STARD13: variants seen among roughly 807,000 people sequenced by gnomAD.
STARD13 encodes the protein stAR-related lipid transfer protein 13.
Under a neutral mutation model 106.4 loss-of-function variants are expected in STARD13, and 62 were observed. That is an observed-to-expected ratio of 0.58 (90% CI 0.48 to 0.72). STARD13 has a LOEUF of 0.72. STARD13 is among the 30% of genes least tolerant of loss of function. The pLI, the probability that STARD13 is intolerant of heterozygous loss-of-function variation, is 0.00. For missense variants in STARD13, 1,387 were observed against 1,424.0 expected, an observed-to-expected ratio of 0.97 and a Z score of 0.42; for synonymous variants, 565 against 553.0, an observed-to-expected ratio of 1.02 and a Z score of -0.31.
the STARD13 span, among the ~76,000 whole-genome samples, chr13:33,464,043 G>GTA: frequency 2.7e-5 from 3 of 112,758 alleles, no homozygotes; most frequent in Non-Finnish European, 5.8e-5. Flanking sequence ...ATATATATAT[G>GTA]TATATGTATA....
At chr13:33,607,118 C>T in the STARD13 span, among the ~76,000 whole-genome samples, 2 of 149,962 alleles carry the variant, frequency 1.3e-5, no homozygotes, top group South Asian at 2.1e-4. Context: ...TTTTGCCTAC[C>T]GCAACTGATT....
At chr13:33,386,733 C>CAGAAAATATACGCCA in the STARD13 span, among the ~76,000 whole-genome samples, 1 of 151,964 alleles carries the variant, frequency 6.6e-6, no homozygotes, top group African/African-American at 2.4e-5. Context: ...CTCCAAAGTC[C>CAGAAAATATACGCCA]AGAAAATATA....
the STARD13 span, among the ~76,000 whole-genome samples, chr13:33,364,414 TATA>T: frequency 6.6e-6 from 1 of 152,190 alleles, no homozygotes; most frequent in Non-Finnish European, 1.5e-5. Flanking sequence ...ATTTTAAAAA[TATA>T]ATAAAAATGA....
chr13:33,198,808 G>C (rs994021234), intron 1 of STARD13, among the ~76,000 whole-genome samples: 2 of 152,106 alleles, frequency 1.3e-5, no homozygotes, highest in African/African-American at 4.8e-5. Context: ...CCTATAAATG[G>C]TGCTACTGCA....
the STARD13 span, among the ~76,000 whole-genome samples, chr13:33,407,240 G>A: frequency 6.6e-6 from 1 of 152,140 alleles, no homozygotes; most frequent in Admixed American, 6.5e-5. Flanking sequence ...TAAAATGCAG[G>A]CCTCCTTCAA....
chr13:33,218,905 G>A (rs1318449479), intron 1 of STARD13, among the ~76,000 whole-genome samples: 37 of 151,984 alleles, frequency 2.4e-4, no homozygotes, highest in Admixed American at 2.3e-3. Flanking sequence ...TGAACAACAC[G>A]GCACTGAAAA....
the STARD13 span, among the ~76,000 whole-genome samples, chr13:33,636,650 T>C: frequency 6.6e-6 from 1 of 152,208 alleles, no homozygotes; most frequent in Non-Finnish European, 1.5e-5. Flanking sequence ...TCCAGAAGAA[T>C]AGGAGATAAT....
At chr13:33,108,024 C>T (rs181847894) in intron 12 of STARD13, among the ~76,000 whole-genome samples, 3 of 152,340 alleles carry the variant, frequency 2.0e-5, no homozygotes, top group Admixed American at 6.5e-5. Flanking sequence ...TGCTCAGCGA[C>T]TTCCATGCTG....
At chr13:33,658,623 A>G in the STARD13 span, among the ~76,000 whole-genome samples, 1 of 152,246 alleles carries the variant, frequency 6.6e-6, no homozygotes, top group Non-Finnish European at 1.5e-5. Context: ...CCAGCTGAAG[A>G]TACCAGAGAC....
In STARD13 at chr13:33,129,963, A is replaced by G. The variant is rs747034997; in HGVS notation, c.714T>C (p.Asp238=). Residue 238 remains aspartate (D), a synonymous_variant, in exon 5 of 14, where the codon GAT becomes GAC. Coordinates refer to ENST00000336934, the MANE Select transcript of STARD13 (RefSeq NM_178006.4). ...TGGGGTGGAAGGGGTGGTTGAGGAC[A>G]TCTCTGGGGGGCTGTGGGAGGCTGC... ...VSSSLPQPPR[D]VLNHPFHPKN... is the part of the protein sequence containing the mutation. 4 of 1,613,318 alleles carry G rather than the reference A, an allele frequency of 2.5e-6. No homozygotes were observed. The highest frequency in any genetic ancestry group is 3.3e-5 in the Admixed American group (2 of 60,012).
chr13:33,325,533 C>T (rs2077763695), intron 1 of STARD13, among the ~76,000 whole-genome samples: 1 of 152,130 alleles, frequency 6.6e-6, no homozygotes, highest in Non-Finnish European at 1.5e-5. Flanking sequence ...TTATCCCCTT[C>T]CCTTTGGTCC....
chr13:33,660,286 T>C, the STARD13 span, among the ~76,000 whole-genome samples: 1 of 152,260 alleles, frequency 6.6e-6, no homozygotes, highest in South Asian at 2.1e-4. Flanking sequence ...TCTGTGTTAG[T>C]TGTCATAGTT....
the STARD13 span, among the ~76,000 whole-genome samples, chr13:33,498,447 T>A: frequency 6.6e-6 from 1 of 152,222 alleles, no homozygotes; most frequent in Non-Finnish European, 1.5e-5. Context: ...TTTTAAAATA[T>A]TTGCATTTTT....
intron 7 of STARD13, among the ~76,000 whole-genome samples, chr13:33,122,794 C>T (rs1876541672): frequency 6.6e-6 from 1 of 152,120 alleles, no homozygotes; most frequent in Non-Finnish European, 1.5e-5. Flanking sequence ...GTGGCTCATG[C>T]CTGTAATCCC....
rs149840253 is a variant in STARD13 at position 33,109,252 on chromosome 13, C to G, written c.3047+621G>C. Among the ~76,000 whole-genome samples the G allele has an allele frequency of 2.2e-3, 337 of 152,284 alleles. 1 individual carries two copies. Among genetic ancestry groups the G allele is most frequent in the African/African-American group, 7.6e-3 (317 of 41,574 alleles). On this transcript the variant is annotated intron_variant, in intron 12 of 13. Transcript: ENST00000336934. ...GATGCAACACTGCATCTCTACTGTG[C>G]AAACTTTCTATCATTGGTTGAGCAT...
At chr13:33,172,183 T>C (rs1438314108) in intron 1 of STARD13, among the ~76,000 whole-genome samples, 1 of 152,248 alleles carries the variant, frequency 6.6e-6, no homozygotes, top group Non-Finnish European at 1.5e-5. Context: ...ACTGCTTTTT[T>C]CACTTAAGAA....
intron 4 of STARD13, among the ~76,000 whole-genome samples, chr13:33,134,236 G>C (rs1878746685): frequency 6.6e-6 from 1 of 152,052 alleles, no homozygotes. Flanking sequence ...GAATTGTCTT[G>C]GGCCACACAT....
intron 3 of STARD13, among the ~76,000 whole-genome samples, chr13:33,144,131 A>G (rs1203883116): frequency 6.6e-6 from 1 of 152,170 alleles, no homozygotes; most frequent in African/African-American, 2.4e-5. Flanking sequence ...ATCTTAACAT[A>G]AATTAGACTC....
intron 1 of STARD13, among the ~76,000 whole-genome samples, chr13:33,179,342 C>T (rs1401829806): frequency 6.6e-6 from 1 of 152,158 alleles, no homozygotes; most frequent in East Asian, 1.9e-4. Context: ...GTTTCTTCAT[C>T]TATAGAATGG....
Sources: allele counts gnomAD v4.1 joint callset (sites outside exome capture counted in the v4.1 genomes callset), GRCh38; gene constraint gnomAD v4.1.1; transcripts MANE v1.5; gene names NCBI Gene and HGNC (gene_info 2026-07-23, HGNC 2026-07-21).